The following RANBP9 variants were observed in gnomAD, a reference collection of about 807,000 sequenced individuals.
RANBP9 encodes RAN binding protein 9.
RANBP9 carries 15 observed loss-of-function variants against 84.3 expected under a neutral mutation model. That is an observed-to-expected ratio of 0.18 (90% CI 0.12 to 0.27). The LOEUF (loss-of-function observed/expected upper bound fraction) is 0.27, where lower values mean the gene tolerates loss of function less well. Ranked by LOEUF, RANBP9 falls within the 10% of genes least tolerant of loss-of-function variation. The pLI is 1.00. For missense variants in RANBP9, 809 were observed against 912.8 expected (o/e 0.89, Z 1.46); for synonymous variants, 392 against 349.6 (o/e 1.12, Z -1.35).
chr6:13,621,753 A>G lies in RANBP9; in HGVS notation c.*609T>C, dbSNP rs1454064652. On this transcript the variant is annotated 3_prime_UTR_variant, in exon 14 of 14. Coordinates refer to ENST00000011619, the MANE Select transcript of RANBP9 (RefSeq NM_005493.3). ...GTAGTTAAACAGGAAACAAAGTTGA[A>G]AAAGACCATGTTAAAACAAAACTAC... 5.2e-5 allele frequency: 8 copies of G among 152,664 alleles called. No homozygotes were observed. Among genetic ancestry groups the G allele is most frequent in the Admixed American group, 5.2e-4 (8 of 15,284 alleles). 9.5% of individuals were successfully genotyped at this position (152,664 alleles called of 1,614,324 possible). A position where few individuals can be genotyped will look rare whatever the true frequency, so the allele number is the denominator to read the frequency against.
At chr6:13,637,048 G>T (rs1764955715) in intron 10 of RANBP9, among the ~76,000 whole-genome samples, 1 of 152,082 alleles carries the variant, frequency 6.6e-6, no homozygotes, top group African/African-American at 2.4e-5. Context: ...GGATGATTTG[G>T]GCAGGGTGAA....
chr6:13,690,144 G>A (rs1766289862), intron 2 of RANBP9, among the ~76,000 whole-genome samples: 2 of 152,060 alleles, frequency 1.3e-5, no homozygotes, highest in African/African-American at 2.4e-5. Context: ...TCAAGGGCAG[G>A]GACCACATTC....
At chr6:13,623,937 G>A (rs1764529913) in intron 13 of RANBP9, among the ~76,000 whole-genome samples, 1 of 152,052 alleles carries the variant, frequency 6.6e-6, no homozygotes, top group Non-Finnish European at 1.5e-5. Flanking sequence ...AAGAAAACTG[G>A]TCACTTTAAA....
chr6:13,678,829 C>G (rs1436170383), intron 2 of RANBP9, among the ~76,000 whole-genome samples: 1 of 152,126 alleles, frequency 6.6e-6, no homozygotes, highest in Admixed American at 6.5e-5. Flanking sequence ...TCATATCCCC[C>G]TGCAGCTACC....
In RANBP9 at chr6:13,640,205, T is replaced by C. The variant is rs145286555; in HGVS notation, c.1335-452A>G. On this transcript the variant is annotated intron_variant, in intron 8 of 13. Transcript: ENST00000011619. ...AAATGGGCCTCATTTAAAATTCTTA[T>C]TCTAAAGCAAAACAATTCTGTCATT... is the stretch of plus-strand genomic sequence containing the variant. 3.8e-3 allele frequency among the ~76,000 whole-genome samples: 584 copies of C among 152,338 alleles called. 3 individuals are homozygous for C. The highest frequency in any genetic ancestry group is 0.013 in the African/African-American group (558 of 41,580).
At chr6:13,650,984 A>G (rs1765282826) in intron 5 of RANBP9, among the ~76,000 whole-genome samples, 1 of 152,112 alleles carries the variant, frequency 6.6e-6, no homozygotes. Flanking sequence ...CCAGTCTTTA[A>G]AAAACTGATT....
intron 2 of RANBP9, among the ~76,000 whole-genome samples, chr6:13,694,496 ATG>A (rs1766397080): frequency 2.0e-5 from 3 of 152,226 alleles, no homozygotes; most frequent in African/African-American, 7.2e-5. Flanking sequence ...GGAGCTAGAT[ATG>A]GGGAAGGGTT....
chr6:13,689,613 C>G (rs1202695985), intron 2 of RANBP9, among the ~76,000 whole-genome samples: 3 of 152,090 alleles, frequency 2.0e-5, no homozygotes. Context: ...ATCCAAGTCC[C>G]CAACAATACT....
At chr6:13,683,272 G>C (rs1766088280) in intron 2 of RANBP9, among the ~76,000 whole-genome samples, 1 of 152,112 alleles carries the variant, frequency 6.6e-6, no homozygotes, top group Non-Finnish European at 1.5e-5. Flanking sequence ...TCCAGCAATA[G>C]GCAAAGAGCA....
chr6:13,703,847 T>A (rs1401456119), intron 1 of RANBP9, among the ~76,000 whole-genome samples: 2 of 152,228 alleles, frequency 1.3e-5, no homozygotes. Flanking sequence ...CTTGTTTCTT[T>A]GGCTTCTTCT....
rs115553271 is a variant in RANBP9, at chr6:13,709,321, A to G, written c.571+1614T>C. Among the ~76,000 whole-genome samples the G allele has an allele frequency of 9.5e-3, 1,445 of 152,358 alleles. 16 individuals carry two copies. Among genetic ancestry groups the G allele is most frequent in the African/African-American group, 0.032 (1,351 of 41,588 alleles). Reference sequence around the variant, plus strand: ...GGAAGAAACTGAGGCTCAGTCTTGTAAAATATCTACAACCACAAACAACTG... The same window carrying G: ...GGAAGAAACTGAGGCTCAGTCTTGTGAAATATCTACAACCACAAACAACTG... On this transcript the variant is annotated intron_variant, in intron 1 of 13. Transcript: ENST00000011619.
rs1384652476 is a variant in RANBP9 at position 13,642,471 on chromosome 6, G to GTCCT, written c.1225+4_1225+7dup. 1 of 1,512,270 alleles carries GTCCT rather than the reference G, an allele frequency of 6.6e-7. No homozygotes were observed. The highest frequency in any genetic ancestry group is 1.8e-5 in the Admixed American group (1 of 55,988). 93.7% of individuals were successfully genotyped at this position (1,512,270 alleles called of 1,614,324 possible). Reference sequence around the variant, plus strand: ...ACAAATGTTAGCCATGCACCACAGTGTCCTTACTTTGTCTATTCTTAATGG... The same window carrying GTCCT: ...ACAAATGTTAGCCATGCACCACAGTGTCCTTCCTTACTTTGTCTATTCTTAATGG... On this transcript the variant is annotated splice_region_variant and intron_variant, in intron 7 of 13. Coordinates refer to ENST00000011619, the MANE Select transcript of RANBP9 (RefSeq NM_005493.3).
chr6:13,689,736 C>T (rs1766280410), intron 2 of RANBP9, among the ~76,000 whole-genome samples: 1 of 152,194 alleles, frequency 6.6e-6, no homozygotes, highest in Non-Finnish European at 1.5e-5. Flanking sequence ...CAAATTCTTA[C>T]TCATTTTGTA....
intron 12 of RANBP9, among the ~76,000 whole-genome samples, chr6:13,627,654 AT>A (rs1386640834): frequency 3.3e-5 from 5 of 150,882 alleles, no homozygotes; most frequent in Non-Finnish European, 5.9e-5. Flanking sequence ...AAAAAAAAAA[AT>A]CACGTTATTT....
rs201064902 is a variant in RANBP9, at chr6:13,710,957, G to A, written c.549C>T (p.Asn183=). The change falls in exon 1 of 14, where the codon AAC becomes AAT. Residue 183 remains asparagine (N), a synonymous_variant. Transcript: ENST00000011619. ...DKFSYIGLSQ[N]NLRVHYKGHG... ...TACCTTTGTAGTGCACCCGCAGGTTGTTCTGAGAGAGGCCGATGTAGCTGA... is the reference window on the plus strand; with the variant it reads ...TACCTTTGTAGTGCACCCGCAGGTTATTCTGAGAGAGGCCGATGTAGCTGA... 11 of 1,609,482 alleles carry A rather than the reference G, an allele frequency of 6.8e-6. No homozygotes were observed. The highest frequency in any genetic ancestry group is 6.7e-5 in the African/African-American group (5 of 74,814).
chr6:13,711,200 C>G lies in RANBP9; in HGVS notation c.306G>C (p.Pro102=). The G allele has an allele frequency of 8.7e-7, 1 of 1,153,244 alleles. No individual in the cohort carries two copies. Among genetic ancestry groups the G allele is most frequent in the Non-Finnish European group, 1.1e-6 (1 of 936,284 alleles). The allele number at this position is 1,153,244 out of a possible 1,614,324, so 71.4% of individuals were successfully genotyped here. A position where few individuals can be genotyped will look rare whatever the true frequency, so the allele number is the denominator to read the frequency against. The part of the protein sequence containing the change: ...PASAAAPASG[P]PAPPGLAAGP... Reference sequence around the variant, plus strand: ...CCGCTGCAAGGCCCGGGGGAGCGGGCGGCCCGCTGGCGGGGGCAGCCGCTG... The same window carrying G: ...CCGCTGCAAGGCCCGGGGGAGCGGGGGGCCCGCTGGCGGGGGCAGCCGCTG... The change falls in exon 1 of 14, where the codon CCG becomes CCC. Residue 102 remains proline, a synonymous_variant. Transcript: ENST00000011619.
intron 1 of RANBP9, among the ~76,000 whole-genome samples, chr6:13,709,046 G>T (rs1280911416): frequency 6.6e-6 from 1 of 152,152 alleles, no homozygotes; most frequent in Non-Finnish European, 1.5e-5. Context: ...TTACACAACA[G>T]AAAGTAATAA....
intron 2 of RANBP9, among the ~76,000 whole-genome samples, chr6:13,669,438 A>G (rs1304612621): frequency 6.6e-6 from 1 of 152,216 alleles, no homozygotes; most frequent in African/African-American, 2.4e-5. Context: ...AAAAAGAACA[A>G]AAAAGTTGGA....
At chr6:13,680,535 G>A (rs1425574983) in intron 2 of RANBP9, among the ~76,000 whole-genome samples, 1 of 152,042 alleles carries the variant, frequency 6.6e-6, no homozygotes, top group East Asian at 1.9e-4. Flanking sequence ...GAGCCCAGGA[G>A]TTCAAGACAA....
Sources: gnomAD v4.1 joint callset for allele counts (sites outside exome capture counted in the v4.1 genomes callset) on GRCh38, gnomAD v4.1.1 for gene constraint, MANE v1.5 for transcripts, NCBI Gene and HGNC (gene_info 2026-07-23, HGNC 2026-07-21) for gene names.